The following PRKCZ variants were observed in gnomAD, a reference collection of about 807,000 sequenced individuals.
PRKCZ encodes the protein protein kinase C zeta, also known as protein kinase C zeta type.
In PRKCZ, 33 loss-of-function variants were observed where a neutral mutation model predicts 79.5. The ratio of observed to expected loss-of-function variants is 0.41; its 90% CI spans 0.31 to 0.55. The LOEUF (loss-of-function observed/expected upper bound fraction) is 0.55, where lower values mean the gene tolerates loss of function less well. Ranked by LOEUF, PRKCZ falls within the 20% of genes least tolerant of loss-of-function variation. The pLI, the probability that PRKCZ is intolerant of heterozygous loss-of-function variation, is 0.19. For synonymous variants in PRKCZ, 342 were observed against 320.9 expected (o/e 1.07, Z -0.70); for missense variants, 578 against 813.5 (o/e 0.71, Z 3.52).
At chr1:2,179,864 C>G (rs1310396490) in intron 16 of PRKCZ, among the ~76,000 whole-genome samples, 1 of 152,034 alleles carries the variant, frequency 6.6e-6, no homozygotes, top group African/African-American at 2.4e-5. Flanking sequence ...GGAACCCAGC[C>G]ACGTTGTGTG....
At chr1:2,162,377 C>T (rs1354389642) in intron 10 of PRKCZ, among the ~76,000 whole-genome samples, 1 of 152,248 alleles carries the variant, frequency 6.6e-6, no homozygotes, top group Non-Finnish European at 1.5e-5. Flanking sequence ...AGTGATCCAC[C>T]TGCCTGGGCC....
intron 4 of PRKCZ, among the ~76,000 whole-genome samples, chr1:2,121,721 C>G: frequency 1.8e-5 from 1 of 55,306 alleles, no homozygotes; most frequent in African/African-American, 6.7e-5. Context: ...TAGTTAGGGT[C>G]ACGGCGGTAC....
chr1:2,160,486 G>A (rs866135227), intron 10 of PRKCZ, among the ~76,000 whole-genome samples: 7 of 152,312 alleles, frequency 4.6e-5, no homozygotes, highest in African/African-American at 1.7e-4. Context: ...TGGGAAGGAC[G>A]AGGGCAATGG....
chr1:2,098,741 G>C (rs988454196), intron 4 of PRKCZ, among the ~76,000 whole-genome samples: 3 of 152,130 alleles, frequency 2.0e-5, no homozygotes, highest in Non-Finnish European at 4.4e-5. Flanking sequence ...GAGTGCAGTG[G>C]CGTGATCTCG....
chr1:2,080,831 C>A (rs916329580), intron 4 of PRKCZ, among the ~76,000 whole-genome samples: 3 of 152,180 alleles, frequency 2.0e-5, no homozygotes, highest in African/African-American at 7.2e-5. Context: ...AGACTTGCCT[C>A]ATTTTCAACG....
At chr1:2,053,809 G>A (rs962566766) in intron 1 of PRKCZ, among the ~76,000 whole-genome samples, 6 of 152,236 alleles carry the variant, frequency 3.9e-5, no homozygotes, top group South Asian at 2.1e-4. Flanking sequence ...AGCTTGGGGC[G>A]ACCCCAGGGT....
Position 2,168,077 on chromosome 1 carries a change from C to T in PRKCZ, c.975-1441C>T, listed in dbSNP as rs1683684540. ...AGGACGTTCCTGCACATCGAGGGCA[C>T]CCTCAGAGCTGCTCTTTCTGTCATT... On this transcript the variant is annotated intron_variant, in intron 10 of 17. Transcript: ENST00000378567. The surrounding 1 kb of genome is among the most constrained non-coding windows in gnomAD (Gnocchi z 4.7). Among the ~76,000 whole-genome samples the T allele has an allele frequency of 6.6e-6, 1 of 152,162 alleles. No homozygotes were observed. The highest frequency in any genetic ancestry group is 6.5e-5 in the Admixed American group (1 of 15,280).
intron 4 of PRKCZ, among the ~76,000 whole-genome samples, chr1:2,133,323 C>T (rs1463425679): frequency 6.6e-6 from 1 of 151,490 alleles, no homozygotes; most frequent in Non-Finnish European, 1.5e-5. Flanking sequence ...CACGTTCGTC[C>T]CTCGGCTCCG....
intron 4 of PRKCZ, among the ~76,000 whole-genome samples, chr1:2,130,934 G>A (rs114760461): frequency 1.1e-4 from 17 of 151,666 alleles, no homozygotes; most frequent in Non-Finnish European, 1.6e-4. Flanking sequence ...CAGTACTCCC[G>A]CCTGACACAC....
chr1:2,068,557 C>T (rs1419841092), intron 4 of PRKCZ, among the ~76,000 whole-genome samples: 1 of 152,246 alleles, frequency 6.6e-6, no homozygotes. Flanking sequence ...TGAGACCTGG[C>T]CTTAATCACA....
chr1:2,068,064 G>C (rs1039599117), intron 4 of PRKCZ, among the ~76,000 whole-genome samples: 2 of 152,226 alleles, frequency 1.3e-5, no homozygotes, highest in Admixed American at 1.3e-4. Context: ...CTGTCGGCCT[G>C]AGCCACATCT....
intron 1 of PRKCZ, chr1:2,051,034 C>G: frequency 4.0e-6 from 1 of 250,802 alleles, no homozygotes; most frequent in South Asian, 1.7e-4. Flanking sequence ...AAGTTTTCAT[C>G]AAGTTGTGAA....
chr1:2,142,582 C>T (rs1677597677), intron 5 of PRKCZ: 1 of 249,472 alleles, frequency 4.0e-6, no homozygotes, highest in South Asian at 3.7e-5. Context: ...CCCCCTCTCA[C>T]CCATCCCTCC....
intron 4 of PRKCZ, among the ~76,000 whole-genome samples, chr1:2,083,743 T>G (rs1279831105): frequency 1.3e-5 from 2 of 152,204 alleles, no homozygotes; most frequent in African/African-American, 4.8e-5. Flanking sequence ...TGGGGCGTTT[T>G]AACAGCTTTT....
intron 7 of PRKCZ, 148 bp from the exon 8 acceptor site, chr1:2,148,724 A>G: frequency 1.4e-6 from 1 of 726,344 alleles, no homozygotes. Flanking sequence ...CATTTTCAGA[A>G]GACTCTAAAT....
chr1:2,171,197 T>C (rs1036394164), intron 11 of PRKCZ, among the ~76,000 whole-genome samples: 2 of 151,490 alleles, frequency 1.3e-5, no homozygotes, highest in South Asian at 2.1e-4. Context: ...CAAAAAATTA[T>C]CCAGGTGTGG....
At chr1:2,143,584 G>C (rs149275891) in intron 5 of PRKCZ, 1 of 152,288 alleles carries the variant, frequency 6.6e-6, no homozygotes, top group African/African-American at 2.4e-5. Context: ...ACATTTAAAC[G>C]TTCATGAAAA....
chr1:2,122,118 G>T (rs1346450281), intron 4 of PRKCZ, among the ~76,000 whole-genome samples: 73 of 26,408 alleles, frequency 2.8e-3, no homozygotes, highest in Non-Finnish European at 4.3e-3. Flanking sequence ...GGTGGTTAGG[G>T]TCACGGTGGT....
intron 6 of PRKCZ, chr1:2,144,614 T>C: frequency 7.8e-7 from 1 of 1,285,606 alleles, no homozygotes. Context: ...GCTCAGTGGG[T>C]CGGAGGTAAG....
Sources: gnomAD v4.1 joint callset for allele counts (sites outside exome capture counted in the v4.1 genomes callset) on GRCh38, gnomAD v4.1.1 for gene constraint, Gnocchi (gnomAD v3.1) non-coding constraint, MANE v1.5 for transcripts, NCBI Gene and HGNC (gene_info 2026-07-23, HGNC 2026-07-21) for gene names.